The following ADIPOR2 variants were observed in gnomAD, a reference collection of about 807,000 sequenced individuals.
ADIPOR2 encodes adiponectin receptor 2.
Under a neutral mutation model 40.9 loss-of-function variants are expected in ADIPOR2, and 18 were observed. The ratio of observed to expected loss-of-function variants is 0.44; its 90% CI spans 0.30 to 0.65. ADIPOR2 has a LOEUF of 0.65. Among genes scored for constraint, ADIPOR2 ranks in the 30% least tolerant of loss-of-function variants. The pLI, the probability that ADIPOR2 is intolerant of heterozygous loss-of-function variation, is 0.09. For synonymous variants in ADIPOR2, 165 were observed against 166.4 expected (o/e 0.99, Z 0.06); for missense variants, 283 against 479.2 (o/e 0.59, Z 3.82).
chr12:1,743,418 G>A (rs1347597436), intron 1 of ADIPOR2, among the ~76,000 whole-genome samples: 5 of 151,680 alleles, frequency 3.3e-5, no homozygotes, highest in African/African-American at 1.2e-4. Context: ...GCTCATGCCT[G>A]TAAGCACTTT....
intron 1 of ADIPOR2, among the ~76,000 whole-genome samples, chr12:1,710,187 A>G (rs753146668): frequency 2.6e-5 from 4 of 152,232 alleles, no homozygotes; most frequent in Non-Finnish European, 4.4e-5. Flanking sequence ...TCAGCAGGAT[A>G]TGGGCGGGGA....
intron 1 of ADIPOR2, among the ~76,000 whole-genome samples, chr12:1,718,883 C>G (rs540718709): frequency 6.6e-6 from 1 of 152,098 alleles, no homozygotes; most frequent in African/African-American, 2.4e-5. Flanking sequence ...AAAGGTTGGT[C>G]TACTTAATGC....
intron 1 of ADIPOR2, among the ~76,000 whole-genome samples, chr12:1,704,454 C>T (rs1429170587): frequency 6.6e-6 from 1 of 152,122 alleles, no homozygotes; most frequent in Non-Finnish European, 1.5e-5. Flanking sequence ...AATTGGATTG[C>T]AGACAATTTG....
At chr12:1,748,452 G>A (rs1359209452) in intron 1 of ADIPOR2, among the ~76,000 whole-genome samples, 5 of 151,978 alleles carry the variant, frequency 3.3e-5, no homozygotes, top group African/African-American at 1.2e-4. Flanking sequence ...GTTTCACCGT[G>A]TTAGCCAGGA....
intron 1 of ADIPOR2, among the ~76,000 whole-genome samples, chr12:1,704,020 T>G (rs950651398): frequency 2.7e-5 from 4 of 148,810 alleles, no homozygotes; most frequent in Non-Finnish European, 6.0e-5. Context: ...CACCAGTTTT[T>G]TTTTTTTTTT....
At chr12:1,728,664 C>T (rs900303014) in intron 1 of ADIPOR2, among the ~76,000 whole-genome samples, 8 of 151,970 alleles carry the variant, frequency 5.3e-5, no homozygotes, top group Non-Finnish European at 1.2e-4. Flanking sequence ...GCGGAGGTTA[C>T]AGTGAGCCAA....
At position 1,722,683 on chromosome 12, in the gene ADIPOR2, C is replaced by T. The variant is rs975854786; in HGVS notation, c.-87+31492C>T. 4.6e-5 allele frequency among the ~76,000 whole-genome samples: 7 copies of T among 152,158 alleles called. No homozygotes were observed. In the East Asian group the frequency reaches 5.8e-4, roughly 13 times the overall value. Reference sequence around the variant, plus strand: ...TGTGACCACAAGTAAGGCCCAGATTCGAATCTTACTTTTATACTTGCCTGG... The same window carrying T: ...TGTGACCACAAGTAAGGCCCAGATTTGAATCTTACTTTTATACTTGCCTGG... On this transcript the variant is annotated intron_variant, in intron 1 of 7. Transcript: ENST00000357103.
At chr12:1,783,399 C>CTTTTTTT (rs35800138) in intron 6 of ADIPOR2, among the ~76,000 whole-genome samples, 2 of 132,558 alleles carry the variant, frequency 1.5e-5, no homozygotes, top group Non-Finnish European at 1.6e-5. Flanking sequence ...AGGCTCATTG[C>CTTTTTTT]TTTTTTTTTT....
intron 2 of ADIPOR2, 28 bp downstream of exon 2, chr12:1,754,542 A>C: frequency 6.3e-7 from 1 of 1,578,906 alleles, no homozygotes; most frequent in South Asian, 1.2e-5. Context: ...AATGATAAAC[A>C]AAGGAAAAAA....
chr12:1,750,084 TC>T (rs1398129305), intron 1 of ADIPOR2, among the ~76,000 whole-genome samples: 1 of 152,056 alleles, frequency 6.6e-6, no homozygotes, highest in Non-Finnish European at 1.5e-5. Context: ...TCCTCTTGCC[TC>T]AGTCTCTTGT....
chr12:1,715,946 C>T (rs2094686662), intron 1 of ADIPOR2, among the ~76,000 whole-genome samples: 1 of 152,072 alleles, frequency 6.6e-6, no homozygotes, highest in East Asian at 1.9e-4. Context: ...GCTGGCCACC[C>T]CAGCCAGCAG....
chr12:1,781,235 T>C (rs1459149635), intron 6 of ADIPOR2, among the ~76,000 whole-genome samples, 159 bp downstream of exon 6: 1 of 152,202 alleles, frequency 6.6e-6, no homozygotes, highest in Non-Finnish European at 1.5e-5. Context: ...TTTTATGTAG[T>C]AGTCGTAGTA....
intron 1 of ADIPOR2, among the ~76,000 whole-genome samples, chr12:1,742,563 C>A (rs1233395840): frequency 6.6e-6 from 1 of 152,134 alleles, no homozygotes; most frequent in Non-Finnish European, 1.5e-5. Flanking sequence ...GGGATTGGTT[C>A]CAGGACCTCC....
chr12:1,781,838 G>A (rs970757168), intron 6 of ADIPOR2, among the ~76,000 whole-genome samples: 3 of 152,200 alleles, frequency 2.0e-5, no homozygotes, highest in Non-Finnish European at 2.9e-5. Context: ...AGACACAGAA[G>A]TAACCTCATG....
At chr12:1,767,015 A>G (rs1862394303) in intron 2 of ADIPOR2, among the ~76,000 whole-genome samples, 2 of 152,216 alleles carry the variant, frequency 1.3e-5, no homozygotes, top group South Asian at 4.1e-4. Context: ...CACGCCCGTA[A>G]TCCCAGCACT....
At chr12:1,736,884 CAGG>C (rs1364253096) in intron 1 of ADIPOR2, among the ~76,000 whole-genome samples, 1 of 152,192 alleles carries the variant, frequency 6.6e-6, no homozygotes, top group Admixed American at 6.5e-5. Flanking sequence ...AGTAGTCATT[CAGG>C]AGGAGGTTGT....
At chr12:1,751,647 A>G (rs1592611111) in intron 1 of ADIPOR2, among the ~76,000 whole-genome samples, 1 of 151,990 alleles carries the variant, frequency 6.6e-6, no homozygotes, top group South Asian at 2.1e-4. Flanking sequence ...AGCTAGTACT[A>G]CAGCCATGAG....
At chr12:1,732,863 T>G (rs936696730) in intron 1 of ADIPOR2, among the ~76,000 whole-genome samples, 3 of 152,228 alleles carry the variant, frequency 2.0e-5, no homozygotes, top group Non-Finnish European at 4.4e-5. Flanking sequence ...TGTTACTCAT[T>G]AATTGCTTCC....
At chr12:1,761,501 T>C (rs7302234) in intron 2 of ADIPOR2, among the ~76,000 whole-genome samples, 10,746 of 152,242 alleles carry the variant, frequency 0.071, 1,008 homozygotes, top group African/African-American at 0.21. Flanking sequence ...GGGTTCCACT[T>C]TCTCCACACC....
Sources: gnomAD v4.1 joint callset for allele counts (sites outside exome capture counted in the v4.1 genomes callset) on GRCh38, gnomAD v4.1.1 for gene constraint, MANE v1.5 for transcripts, NCBI Gene and HGNC (gene_info 2026-07-23, HGNC 2026-07-21) for gene names.